Variants in ARHGEF15 observed in about 807,000 individuals in gnomAD.
ARHGEF15 encodes the protein Rho guanine nucleotide exchange factor (GEF) 15.
ARHGEF15 carries 58 observed loss-of-function variants against 79.7 expected under a neutral mutation model. The observed-to-expected ratio is 0.73, with a 90% CI of 0.59 to 0.91. The LOEUF (loss-of-function observed/expected upper bound fraction) is 0.91, where lower values mean the gene tolerates loss of function less well. Ranked by LOEUF, ARHGEF15 falls within the 40% of genes least tolerant of loss-of-function variation. The pLI, the probability that ARHGEF15 is intolerant of heterozygous loss-of-function variation, is 0.00. For synonymous variants in ARHGEF15, 442 were observed against 456.0 expected, an observed-to-expected ratio of 0.97 and a Z score of 0.39; for missense variants, 1,012 against 1,108.1, an observed-to-expected ratio of 0.91 and a Z score of 1.23.
At position 8,315,358 on chromosome 17, in the gene ARHGEF15, G is replaced by A. The variant is rs1477299399; in HGVS notation, c.1261-56G>A. On this transcript the variant is annotated intron_variant, in intron 6 of 15. Transcript: ENST00000361926. The surrounding 1 kb of genome is among the most constrained non-coding windows in gnomAD (Gnocchi z 4.3). ...CAGGCATAGGGGAGGAGGGCCCAGG[G>A]TCCTAGCTTCCCACGGTGAACTGGG... The A allele has an allele frequency of 6.2e-6, 10 of 1,612,248 alleles. No individual in the cohort carries two copies. In the African/African-American group the frequency reaches 1.1e-4, roughly 17 times the overall value.
intron 2 of ARHGEF15, 63 bp from the exon 3 acceptor site, chr17:8,312,858 TG>T: frequency 6.4e-7 from 1 of 1,564,238 alleles, no homozygotes; most frequent in Non-Finnish European, 8.7e-7. Flanking sequence ...AAGATGGAGA[TG>T]GTCTGGGCGG....
chr17:8,314,774 TGA>T, intron 4 of ARHGEF15, 130 bp from the exon 5 acceptor site: 1 of 893,586 alleles, frequency 1.1e-6, no homozygotes, highest in Non-Finnish European at 1.6e-6. Context: ...GCCTGAGGTT[TGA>T]TTTGGGGAGC....
chr17:8,318,684 C>T lies in ARHGEF15; in HGVS notation c.1872+22C>T. 1 of 1,610,078 alleles carries T rather than the reference C, an allele frequency of 6.2e-7. No individual in the cohort carries two copies. The highest frequency in any genetic ancestry group is 8.5e-7 in the Non-Finnish European group (1 of 1,177,276). On this transcript the variant is annotated intron_variant, in intron 11 of 15. Coordinates refer to ENST00000361926, the MANE Select transcript of ARHGEF15 (RefSeq NM_173728.4). The surrounding 1 kb of genome is among the most constrained non-coding windows in gnomAD (Gnocchi z 5.0). ...CAAGGTACATCGCTGCCCAGGCTCC[C>T]CATCTTGCCCTGCCCCATGTTGCTG... is the stretch of plus-strand genomic sequence containing the variant.
intron 1 of ARHGEF15, among the ~76,000 whole-genome samples, chr17:8,311,583 C>T (rs756478080): frequency 1.3e-5 from 2 of 152,010 alleles, no homozygotes; most frequent in Non-Finnish European, 2.9e-5. Flanking sequence ...CGGACAGGCG[C>T]GCCCACGGCA....
Position 8,318,396 on chromosome 17 carries a change from C to T in ARHGEF15, c.1714C>T (p.Arg572Cys), listed in dbSNP as rs745415178. 13 of 1,613,726 alleles carry T rather than the reference C, an allele frequency of 8.1e-6. No individual in the cohort carries two copies. The highest frequency in any genetic ancestry group is 1.7e-4 in the Middle Eastern group (1 of 5,980). ...RLRMLLQNILRQTEEGSSRQE... is the reference protein window; with the variant it reads ...RLRMLLQNILCQTEEGSSRQE... Reference sequence around the variant, plus strand: ...TCCTCCTTGTCCCCAGAATATCCTGCGCCAGACAGAAGAGGGGTCCAGCCG... The same window carrying T: ...TCCTCCTTGTCCCCAGAATATCCTGTGCCAGACAGAAGAGGGGTCCAGCCG... The change falls in exon 10 of 16, where the codon CGC becomes TGC. Residue 572 changes from arginine (R) to cysteine (C), a missense_variant. Coordinates refer to ENST00000361926, the MANE Select transcript of ARHGEF15 (RefSeq NM_173728.4). The surrounding 1 kb of genome is among the most constrained non-coding windows in gnomAD (Gnocchi z 5.0).
intron 9 of ARHGEF15, 141 bp downstream of exon 9, chr17:8,316,289 G>T: frequency 7.4e-7 from 1 of 1,351,214 alleles, no homozygotes; most frequent in South Asian, 1.5e-5. Context: ...CCGAATCTGG[G>T]TCTCTCAGCC....
At position 8,319,138 on chromosome 17, in the gene ARHGEF15, G is replaced by A. The variant is rs750554328; in HGVS notation, c.2165G>A (p.Arg722Gln). The A allele has an allele frequency of 5.6e-6, 9 of 1,613,458 alleles. No homozygotes were observed. The highest frequency in any genetic ancestry group is 2.7e-5 in the African/African-American group (2 of 74,872). ...AACCACCAGGGCCGCCCCACCCACC[G>A]ACTACTCCAAGCTTCTTCCCTGTGA... is the stretch of plus-strand genomic sequence containing the variant. ...LSNHQGRPTHRLLQASSLSDM... is the reference protein window; with the variant it reads ...LSNHQGRPTHQLLQASSLSDM... The change falls in exon 13 of 16, where the codon CGA becomes CAA. Residue 722 changes from arginine (R) to glutamine (Q), a missense_variant. By Grantham distance (43) the Arg-to-Gln change is conservative. Transcript: ENST00000361926.
At position 8,319,407 on chromosome 17, in the gene ARHGEF15, CT is replaced by C. The variant is rs1905236552; in HGVS notation, c.2269+14del. On this transcript the variant is annotated intron_variant, in intron 14 of 15. Coordinates refer to ENST00000361926, the MANE Select transcript of ARHGEF15 (RefSeq NM_173728.4). ...TATGAGGACTGTGGTGAGTATCCCCCTAGAGGGGATGAGGGAAGAAAAAGCG... is the reference window on the plus strand; with the variant it reads ...TATGAGGACTGTGGTGAGTATCCCCCAGAGGGGATGAGGGAAGAAAAAGCG... The C allele has an allele frequency of 6.2e-7, 1 of 1,607,240 alleles. No individual in the cohort carries two copies. Among genetic ancestry groups the C allele is most frequent in the South Asian group, 1.1e-5 (1 of 90,210 alleles).
At chr17:8,311,620 C>T (rs1312063409) in intron 1 of ARHGEF15, among the ~76,000 whole-genome samples, 1 of 152,018 alleles carries the variant, frequency 6.6e-6, no homozygotes, top group African/African-American at 2.4e-5. Flanking sequence ...GCAGAACACA[C>T]ATGGCACACC....
intron 15 of ARHGEF15, among the ~76,000 whole-genome samples, chr17:8,319,813 T>G (rs1478812459): frequency 6.6e-6 from 1 of 152,086 alleles, no homozygotes; most frequent in Non-Finnish European, 1.5e-5. Flanking sequence ...TTTTTGTATT[T>G]TTAGTAGAGA....
intron 4 of ARHGEF15, 44 bp from the exon 5 acceptor site, chr17:8,314,862 G>A (rs375582105): frequency 1.2e-6 from 2 of 1,608,956 alleles, no homozygotes; most frequent in Non-Finnish European, 8.5e-7. Context: ...ACGGTGGGCA[G>A]CAGTGGTGGC....
In ARHGEF15 at chr17:8,318,490, G is replaced by C. The variant is rs373111938; in HGVS notation, c.1779+29G>C. 207 of 1,613,880 alleles carry C rather than the reference G, an allele frequency of 1.3e-4. No individual in the cohort carries two copies. The African/African-American group carries it at 2.6e-3, about 20-fold the overall frequency. On this transcript the variant is annotated intron_variant, in intron 10 of 15. Transcript: ENST00000361926. This position sits in a 1 kb window ranked among gnomAD's most constrained non-coding sequence, Gnocchi z 5.0. ...GGCAGTGGGGAAGCTGAAGCAGGGG[G>C]AGGTGACAAGGTGGTAGAGAGAAAT...
At position 8,321,029 on chromosome 17, in the gene ARHGEF15, C is replaced by T. The variant is rs369934473; in HGVS notation, c.*36C>T. ...GGAGGGGGCACATGTTGGGAGACAC[C>T]TACCAGTGTGGCACGGAGAGAACAA... On this transcript the variant is annotated 3_prime_UTR_variant, in exon 16 of 16. Transcript: ENST00000361926. 1.2e-4 allele frequency: 189 copies of T among 1,612,900 alleles called. No homozygotes were observed. Among genetic ancestry groups the T allele is most frequent in the Non-Finnish European group, 1.5e-4 (176 of 1,179,232 alleles).
chr17:8,320,871 C>A lies in ARHGEF15; in HGVS notation c.2404C>A (p.Pro802Thr), dbSNP rs370550327. 1.2e-6 allele frequency: 2 copies of A among 1,613,332 alleles called. No individual in the cohort carries two copies. The highest frequency in any genetic ancestry group is 3.3e-5 in the Admixed American group (2 of 59,992). The change falls in exon 16 of 16, where the codon CCT (proline) becomes ACT (threonine). Residue 802 changes from proline to threonine, a missense_variant. Around this residue, in one of 3 missense-constraint regions of ARHGEF15, gnomAD observed 132 missense variants for 124.2 expected, o/e 1.06. Transcript: ENST00000361926. ...GWLKGLPGAF[P>T]AQLVCEVTGE... Reference sequence around the variant, plus strand: ...GCTGAAGGGGCTTCCTGGGGCCTTCCCTGCCCAGCTGGTGTGTGAAGTCAC... The same window carrying A: ...GCTGAAGGGGCTTCCTGGGGCCTTCACTGCCCAGCTGGTGTGTGAAGTCAC...
chr17:8,312,077 C>A lies in ARHGEF15; in HGVS notation c.38C>A (p.Thr13Lys), dbSNP rs373751727. The A allele has an allele frequency of 2.8e-6, 4 of 1,418,082 alleles. No individual in the cohort carries two copies. In the South Asian group the frequency reaches 3.7e-5, roughly 13 times the overall value. The allele number at this position is 1,418,082 out of a possible 1,614,324, so 87.8% of individuals were successfully genotyped here. Residue 13 changes from threonine to lysine, a missense_variant, in exon 2 of 16, where the codon ACG becomes AAG. Thr to Lys is a moderately conservative substitution (Grantham distance 78). Coordinates refer to ENST00000361926, the MANE Select transcript of ARHGEF15 (RefSeq NM_173728.4). ...TCCCTTCCTGCAGCAACACCCCCCA[C>A]GCAGAAGCCCCCTCGGATCATCCGC... ...AQSLPAATPP[T>K]QKPPRIIRPR... is the part of the protein sequence containing the mutation.
At position 8,318,580 on chromosome 17, in the gene ARHGEF15, G is replaced by A. The variant is rs747972645; in HGVS notation, c.1790G>A (p.Arg597His). ...ALGAVSKIIE[R>H]CSAEVGRMKQ... ...GCTCCCCTTACCTAGATCATCGAGC[G>A]TTGCAGCGCTGAGGTGGGGCGCATG... The change falls in exon 11 of 16, where the codon CGT becomes CAT. Residue 597 changes from arginine to histidine, a missense_variant. Physicochemically the swap from Arg to His is conservative, Grantham distance 29. Around this residue, in one of 3 missense-constraint regions of ARHGEF15, gnomAD observed 818 missense variants for 882.5 expected, o/e 0.93. Transcript: ENST00000361926. The surrounding 1 kb of genome is among the most constrained non-coding windows in gnomAD (Gnocchi z 5.0). The A allele has an allele frequency of 9.4e-5, 151 of 1,613,384 alleles. No individual in the cohort carries two copies. The highest frequency in any genetic ancestry group is 2.8e-4 in the Admixed American group (17 of 59,974).
In ARHGEF15 at chr17:8,312,069, A is replaced by ACC; in HGVS notation, c.35_36dup (p.Thr13ProfsTer170). On this transcript the variant is annotated frameshift_variant, in exon 2 of 16. Coordinates refer to ENST00000361926, the MANE Select transcript of ARHGEF15 (RefSeq NM_173728.4). LOFTEE classifies it high-confidence loss of function. Reference sequence around the variant, plus strand: ...CAGCCCAGTCCCTTCCTGCAGCAACACCCCCCACGCAGAAGCCCCCTCGGA... The same window carrying ACC: ...CAGCCCAGTCCCTTCCTGCAGCAACACCCCCCCCACGCAGAAGCCCCCTCGGA... 1 of 1,348,752 alleles carries ACC rather than the reference A, an allele frequency of 7.4e-7. No homozygotes were observed. Among genetic ancestry groups the ACC allele is most frequent in the Non-Finnish European group, 9.9e-7 (1 of 1,009,180 alleles). 83.5% of individuals were successfully genotyped at this position (1,348,752 alleles called of 1,614,324 possible).
chr17:8,318,833 C>G lies in ARHGEF15; in HGVS notation c.1956C>G (p.Leu652=). The G allele has an allele frequency of 6.2e-7, 1 of 1,613,674 alleles. No individual in the cohort carries two copies. The highest frequency in any genetic ancestry group is 8.5e-7 in the Non-Finnish European group (1 of 1,179,992). The part of the protein sequence containing the change: ...TELGCRRGGV[L]FASRPRFTPL... ...TAGGGTGCCGGAGGGGGGGCGTGCT[C>G]TTTGCCTCGCGCCCCCGCTTCACCC... Residue 652 remains leucine (L), a synonymous_variant, in exon 12 of 16, where the codon CTC becomes CTG. Transcript: ENST00000361926. The surrounding 1 kb of genome is among the most constrained non-coding windows in gnomAD (Gnocchi z 5.0).
At chr17:8,316,203 C>G (rs934030289) in intron 9 of ARHGEF15, 55 bp downstream of exon 9, 1 of 1,573,960 alleles carries the variant, frequency 6.4e-7, no homozygotes, top group African/African-American at 1.3e-5. Flanking sequence ...GGAGAACTCT[C>G]CCGAGGGCTT....
Sources: gnomAD v4.1 joint callset for allele counts (sites outside exome capture counted in the v4.1 genomes callset) on GRCh38, gnomAD v4.1.1 for gene constraint, gnomAD v4.1.1 regional missense constraint, Gnocchi (gnomAD v3.1) non-coding constraint, MANE v1.5 for transcripts, NCBI Gene and HGNC (gene_info 2026-07-23, HGNC 2026-07-21) for gene names.